TMPRSS4: variants seen among roughly 807,000 people sequenced by gnomAD.
TMPRSS4 encodes transmembrane protease serine 4.
A neutral mutation model predicts 56.4 loss-of-function variants in TMPRSS4; 45 were observed. That is an observed-to-expected ratio of 0.80 (90% CI 0.63 to 1.02). The LOEUF is 1.02. Among genes scored for constraint, TMPRSS4 ranks in the 50% least tolerant of loss-of-function variants. The probability of loss-of-function intolerance (pLI) is 0.00; values close to 1 mark genes in which losing one functional copy is unlikely to be tolerated. For synonymous variants in TMPRSS4, 205 were observed against 211.0 expected, an observed-to-expected ratio of 0.97 and a Z score of 0.25; for missense variants, 546 against 556.7, an observed-to-expected ratio of 0.98 and a Z score of 0.19.
In TMPRSS4 at chr11:118,118,079, C is replaced by G. The variant is rs1318264008; in HGVS notation, c.*166C>G. ...AGGGCCTCAATTCCTATAAGAGACCCTCGCAGCCCAGAGGCGCCCAGAGGA... is the reference window on the plus strand; with the variant it reads ...AGGGCCTCAATTCCTATAAGAGACCGTCGCAGCCCAGAGGCGCCCAGAGGA... On this transcript the variant is annotated 3_prime_UTR_variant, in exon 13 of 13. Coordinates refer to ENST00000437212, the MANE Select transcript of TMPRSS4 (RefSeq NM_019894.4). 6.8e-7 allele frequency: 1 copy of G among 1,467,926 alleles called. No homozygotes were observed. Among genetic ancestry groups the G allele is most frequent in the African/African-American group, 1.4e-5 (1 of 70,338 alleles). The allele number at this position is 1,467,926 out of a possible 1,614,324, so 90.9% of individuals were successfully genotyped here. A position where few individuals can be genotyped will look rare whatever the true frequency, so the allele number is the denominator to read the frequency against.
At chr11:118,125,391 A>T (rs1365191338), downstream of TMPRSS4, 1 of 456,232 alleles carries the variant, frequency 2.2e-6, no homozygotes. Context: ...AGCTCGGCAC[A>T]CACATCGCCT....
intron 3 of TMPRSS4, chr11:118,099,305 C>T (rs1177723812): frequency 1.3e-5 from 6 of 471,096 alleles, no homozygotes; most frequent in African/African-American, 2.0e-5. Flanking sequence ...GCAGCCCCTA[C>T]TTGTCCTTCA....
At chr11:118,124,202 T>C (rs553202058), downstream of TMPRSS4, among the ~76,000 whole-genome samples, 5 of 152,120 alleles carry the variant, frequency 3.3e-5, no homozygotes, top group East Asian at 9.7e-4. Flanking sequence ...CTGGCCAACA[T>C]GTTGAAACCC....
chr11:118,103,684 G>C (rs1946847569), intron 4 of TMPRSS4, among the ~76,000 whole-genome samples: 2 of 152,124 alleles, frequency 1.3e-5, no homozygotes, highest in Non-Finnish European at 2.9e-5. Flanking sequence ...GCCCAGCTGT[G>C]TAAGTTTCTT....
intron 11 of TMPRSS4, 126 bp downstream of exon 11, chr11:118,115,406 T>C: frequency 8.3e-7 from 1 of 1,208,292 alleles, no homozygotes; most frequent in Non-Finnish European, 1.1e-6. Context: ...TGTGTGATGA[T>C]GGGAGGAAGA....
Position 118,083,608 on chromosome 11 carries a change from ATT to A in TMPRSS4, c.3+6304_3+6305del, listed in dbSNP as rs1945322519. On this transcript the variant is annotated intron_variant, in intron 1 of 12. Coordinates refer to ENST00000437212, the MANE Select transcript of TMPRSS4 (RefSeq NM_019894.4). ...TGAACTTCCCAAGTTCTATTTTAAT[ATT>A]GTTATTAATAACTAATAAAAATAAT... is the stretch of plus-strand genomic sequence containing the variant. 5.3e-5 allele frequency among the ~76,000 whole-genome samples: 8 copies of A among 152,338 alleles called. No homozygotes were observed. The South Asian group carries it at 1.7e-3, about 32-fold the overall frequency.
Position 118,115,386 on chromosome 11 carries a change from G to A in TMPRSS4, c.1152+106G>A, listed in dbSNP as rs1301219672. On this transcript the variant is annotated intron_variant, in intron 11 of 12. Coordinates refer to ENST00000437212, the MANE Select transcript of TMPRSS4 (RefSeq NM_019894.4). The stretch of plus-strand genomic sequence containing the variant: ...CCCTACAGGAAGCCTTGCATATCAT[G>A]GGCACTCAATGTGTGATGATGGGAG... 13 of 1,384,598 alleles carry A rather than the reference G, an allele frequency of 9.4e-6. No individual in the cohort carries two copies. In the East Asian group the frequency reaches 2.6e-4, roughly 27 times the overall value. The allele number at this position is 1,384,598 out of a possible 1,614,324, so 85.8% of individuals were successfully genotyped here.
At position 118,094,835 on chromosome 11, in the gene TMPRSS4, A is replaced by G; in HGVS notation, c.23A>G (p.Asp8Gly). Residue 8 changes from aspartate (D) to glycine (G), a missense_variant, in exon 2 of 13, where the codon GAT becomes GGT. Asp to Gly is a moderately conservative substitution (Grantham distance 94). Coordinates refer to ENST00000437212, the MANE Select transcript of TMPRSS4 (RefSeq NM_019894.4). MLQDPDS[D>G]QPLNSLDVKP... ...CTTCAATTACAGGATCCTGACAGTG[A>G]TCAACCTCTGAACAGCCTCGGTAAG... The G allele has an allele frequency of 6.2e-7, 1 of 1,612,438 alleles. No homozygotes were observed.
rs557737480 is a variant in TMPRSS4 at position 118,118,077 on chromosome 11, C to A, written c.*164C>A. The A allele has an allele frequency of 1.2e-4, 171 of 1,467,602 alleles. No homozygotes were observed. The East Asian group carries it at 4.2e-3, about 36-fold the overall frequency. 90.9% of individuals were successfully genotyped at this position (1,467,602 alleles called of 1,614,324 possible). A position where few individuals can be genotyped will look rare whatever the true frequency, so the allele number is the denominator to read the frequency against. On this transcript the variant is annotated 3_prime_UTR_variant, in exon 13 of 13. Coordinates refer to ENST00000437212, the MANE Select transcript of TMPRSS4 (RefSeq NM_019894.4). Reference sequence around the variant, plus strand: ...AAAGGGCCTCAATTCCTATAAGAGACCCTCGCAGCCCAGAGGCGCCCAGAG... The same window carrying A: ...AAAGGGCCTCAATTCCTATAAGAGAACCTCGCAGCCCAGAGGCGCCCAGAG...
At chr11:118,113,484 C>G in intron 9 of TMPRSS4, 49 bp downstream of exon 9, 1 of 1,595,614 alleles carries the variant, frequency 6.3e-7, no homozygotes, top group South Asian at 1.1e-5. Flanking sequence ...TCAGTTTTCA[C>G]GCCCACTCTG....
intron 1 of TMPRSS4, among the ~76,000 whole-genome samples, chr11:118,080,378 G>A (rs1271702638): frequency 1.3e-5 from 2 of 152,164 alleles, no homozygotes; most frequent in Non-Finnish European, 2.9e-5. Context: ...GCTGTGGCTG[G>A]AGCAAAGACT....
intron 3 of TMPRSS4, among the ~76,000 whole-genome samples, chr11:118,100,557 G>A (rs1425682864): frequency 6.6e-6 from 1 of 152,102 alleles, no homozygotes; most frequent in Non-Finnish European, 1.5e-5. Context: ...GAAATGCAGA[G>A]CCACAACATA....
intron 1 of TMPRSS4, among the ~76,000 whole-genome samples, chr11:118,094,352 A>G (rs1236186139): frequency 1.3e-5 from 2 of 152,210 alleles, no homozygotes; most frequent in African/African-American, 4.8e-5. Flanking sequence ...ATGTAGAGAA[A>G]TTTTATTGTG....
At position 118,115,200 on chromosome 11, in the gene TMPRSS4, G is replaced by A. The variant is rs1174618817; in HGVS notation, c.1072G>A (p.Ala358Thr). 1 of 1,612,908 alleles carries A rather than the reference G, an allele frequency of 6.2e-7. No individual in the cohort carries two copies. ...GGTCATTGACAGCACACGGTGCAATGCAGACGATGCGTACCAGGGGGAAGT... is the reference window on the plus strand; with the variant it reads ...GGTCATTGACAGCACACGGTGCAATACAGACGATGCGTACCAGGGGGAAGT... Reference protein sequence around the residue: ...VQVIDSTRCNADDAYQGEVTE... With the variant: ...VQVIDSTRCNTDDAYQGEVTE... The change falls in exon 11 of 13, where the codon GCA becomes ACA. Residue 358 changes from alanine to threonine, a missense_variant. Coordinates refer to ENST00000437212, the MANE Select transcript of TMPRSS4 (RefSeq NM_019894.4).
Position 118,088,946 on chromosome 11 carries a change from G to A in TMPRSS4, c.4-5870G>A, listed in dbSNP as rs192503756. On this transcript the variant is annotated intron_variant, in intron 1 of 12. Transcript: ENST00000437212. ...TTCAGCTTTGCATCTTCTGATCATG[G>A]CGGGGACCCACCATGGTGATGGGGT... 2.6e-5 allele frequency among the ~76,000 whole-genome samples: 4 copies of A among 152,236 alleles called. No homozygotes were observed. In the East Asian group the frequency reaches 5.8e-4, roughly 22 times the overall value.
At chr11:118,082,489 A>G (rs1433279154) in intron 1 of TMPRSS4, among the ~76,000 whole-genome samples, 1 of 150,808 alleles carries the variant, frequency 6.6e-6, no homozygotes, top group Non-Finnish European at 1.5e-5. Context: ...TGAACCCAGG[A>G]GGCAGAGGTT....
rs1340680225 is a variant in TMPRSS4 at position 118,117,342 on chromosome 11, A to G, written c.1190A>G (p.Gln397Arg). The G allele has an allele frequency of 3.1e-6, 5 of 1,614,118 alleles. No individual in the cohort carries two copies. In the South Asian group the frequency reaches 4.4e-5, roughly 14 times the overall value. Reference sequence around the variant, plus strand: ...GGGCCCCTGATGTACCAATCTGACCAGTGGCATGTGGTGGGCATCGTTAGT... The same window carrying G: ...GGGCCCCTGATGTACCAATCTGACCGGTGGCATGTGGTGGGCATCGTTAGT... The part of the protein sequence containing the change: ...SGGPLMYQSD[Q>R]WHVVGIVSWG... Residue 397 changes from glutamine to arginine, a missense_variant, in exon 12 of 13, where the codon CAG (glutamine) becomes CGG (arginine). Coordinates refer to ENST00000437212, the MANE Select transcript of TMPRSS4 (RefSeq NM_019894.4).
intron 1 of TMPRSS4, 56 bp from the exon 2 acceptor site, chr11:118,094,760 G>A: frequency 1.3e-6 from 2 of 1,557,568 alleles, no homozygotes; most frequent in Non-Finnish European, 1.8e-6. Context: ...CCCGTAGGCT[G>A]CTAGCCCCAG....
intron 3 of TMPRSS4, among the ~76,000 whole-genome samples, chr11:118,100,826 C>T (rs1946695016): frequency 6.6e-6 from 1 of 152,226 alleles, no homozygotes; most frequent in Admixed American, 6.5e-5. Flanking sequence ...GCTGGACACT[C>T]CCTGTCCCAG....
Sources: allele counts gnomAD v4.1 joint callset (sites outside exome capture counted in the v4.1 genomes callset), GRCh38; gene constraint gnomAD v4.1.1; transcripts MANE v1.5; gene names NCBI Gene and HGNC (gene_info 2026-07-23, HGNC 2026-07-21).